The following ATM variants were observed in gnomAD, a reference collection of about 807,000 sequenced individuals.
ATM encodes ATM serine/threonine kinase, also known as serine-protein kinase ATM.
Under a neutral mutation model 387.0 loss-of-function variants are expected in ATM, and 308 were observed. The observed-to-expected ratio is 0.80, with a 90% confidence interval of 0.73 to 0.87. The LOEUF (loss-of-function observed/expected upper bound fraction) is 0.87. Among genes scored for constraint, ATM ranks in the 40% least tolerant of loss-of-function variants. The pLI is 0.00. For missense variants in ATM, 3,312 were observed against 3,560.9 expected (o/e 0.93, Z 1.78); for synonymous variants, 1,156 against 1,187.3 (o/e 0.97, Z 0.54).
chr11:108,246,597 T>C (rs892540414), intron 7 of ATM, among the ~76,000 whole-genome samples: 150 of 152,338 alleles, frequency 9.8e-4, no homozygotes, highest in African/African-American at 3.3e-3. Context: ...TTTACACTAG[T>C]TGAAGGAACT....
rs1479339581 is a variant in ATM at position 108,326,118 on chromosome 11, G to A, written c.6868G>A (p.Glu2290Lys). The stretch of plus-strand genomic sequence containing the variant: ...CAATTCAGTTAGCTGTGGAGTCTCT[G>A]AGTGGCAGCTGGAAGAAGCACAAGT... ...QYNSVSCGVS[E>K]WQLEEAQVFW... The change falls in exon 47 of 63, where the codon GAG (glutamate) becomes AAG (lysine). Residue 2290 changes from glutamate to lysine, a missense_variant. Physicochemically the swap from Glu to Lys is moderately conservative, Grantham distance 56 (BLOSUM62 1). Around this residue, in one of 4 missense-constraint regions of ATM, gnomAD observed 1,405 missense variants for 1,604.4 expected, o/e 0.88. Coordinates refer to ENST00000675843, the MANE Select transcript of ATM (RefSeq NM_000051.4). The A allele has an allele frequency of 6.2e-7, 1 of 1,614,036 alleles. No homozygotes were observed. The highest frequency in any genetic ancestry group is 8.5e-7 in the Non-Finnish European group (1 of 1,180,030).
chr11:108,231,098 T>C (rs2078990329), intron 4 of ATM, among the ~76,000 whole-genome samples: 2 of 152,218 alleles, frequency 1.3e-5, no homozygotes, highest in South Asian at 4.1e-4. Context: ...TCTAAGATCA[T>C]GTGAGCTTCC....
intron 48 of ATM, among the ~76,000 whole-genome samples, chr11:108,328,581 T>C (rs1296435681): frequency 6.6e-6 from 1 of 152,218 alleles, no homozygotes; most frequent in Non-Finnish European, 1.5e-5. Flanking sequence ...TCTCTGTTTT[T>C]GCAGAGTTCT....
intron 42 of ATM, among the ~76,000 whole-genome samples, chr11:108,316,965 A>G (rs574671346): frequency 4.7e-4 from 71 of 151,976 alleles, no homozygotes; most frequent in African/African-American, 1.7e-3. Context: ...ATAAGGTGTC[A>G]CCCTGTTACT....
chr11:108,246,126 G>T (rs1259995857), intron 7 of ATM, among the ~76,000 whole-genome samples: 1 of 152,070 alleles, frequency 6.6e-6, no homozygotes, highest in Non-Finnish European at 1.5e-5. Flanking sequence ...GCCCGGCCGT[G>T]TAGCCACTTT....
chr11:108,281,266 A>G, intron 24 of ATM, 98 bp downstream of exon 24: 1 of 1,222,932 alleles, frequency 8.2e-7, no homozygotes, highest in Non-Finnish European at 1.2e-6. Context: ...CTTATTTAAG[A>G]CTAGGAAACA....
chr11:108,325,079 TC>T (rs1283147913), intron 45 of ATM, among the ~76,000 whole-genome samples: 2 of 152,126 alleles, frequency 1.3e-5, no homozygotes, highest in Non-Finnish European at 2.9e-5. Flanking sequence ...TTGATGTTTG[TC>T]ATCTGTGACC....
At chr11:108,319,875 C>A in intron 43 of ATM, 79 bp from the exon 44 acceptor site, 2 of 990,512 alleles carry the variant, frequency 2.0e-6, no homozygotes, top group South Asian at 1.4e-5. Context: ...AAAATTTTGT[C>A]CTTTGGTGAA....
Position 108,293,357 on chromosome 11 carries a change from T to C in ATM, c.4656T>C (p.Asn1552=), listed in dbSNP as rs876658379. 1.9e-6 allele frequency: 3 copies of C among 1,590,718 alleles called. No homozygotes were observed. Among genetic ancestry groups the C allele is most frequent in the Non-Finnish European group, 2.6e-6 (3 of 1,160,808 alleles). Residue 1552 remains asparagine, a synonymous_variant, in exon 31 of 63, where the codon AAT becomes AAC. Coordinates refer to ENST00000675843, the MANE Select transcript of ATM (RefSeq NM_000051.4). ...LKYLVIDNKD[N]ENLYITIKLL... Reference sequence around the variant, plus strand: ...ACTTAGTGATAGATAACAAGGATAATGAAAACCTCTATATCACGATTAAGC... The same window carrying C: ...ACTTAGTGATAGATAACAAGGATAACGAAAACCTCTATATCACGATTAAGC...
chr11:108,361,674 C>G (rs1232909595), intron 61 of ATM, among the ~76,000 whole-genome samples: 1 of 151,602 alleles, frequency 6.6e-6, no homozygotes, highest in Non-Finnish European at 1.5e-5. Flanking sequence ...CTTTGACAAA[C>G]CTGAGAAAAA....
intron 36 of ATM, 86 bp from the exon 37 acceptor site, chr11:108,304,589 A>G: frequency 7.7e-7 from 1 of 1,293,408 alleles, no homozygotes; most frequent in Non-Finnish European, 1.1e-6. Flanking sequence ...TTAATATGTC[A>G]ACGGGGCATG....
chr11:108,284,236 T>A lies in ATM; in HGVS notation c.3756T>A (p.Tyr1252Ter), dbSNP rs886039637. 6.2e-7 allele frequency: 1 copy of A among 1,608,238 alleles called. No homozygotes were observed. Among genetic ancestry groups the A allele is most frequent in the Non-Finnish European group, 8.5e-7 (1 of 1,175,362 alleles). Residue 1252 changes from tyrosine to a stop codon, truncating the protein, a stop_gained, in exon 26 of 63, where the codon TAT (tyrosine) becomes TAA (stop). Transcript: ENST00000675843. LOFTEE classifies it high-confidence loss of function. ...TNIEDFYRSCYKVLIPHLVIR... is the reference protein window; with the variant it reads ...TNIEDFYRSC ...ATTTTTCTATTTTTAGATCTTGTTA[T>A]AAGGTTTTGATTCCACATCTGGTGA...
intron 40 of ATM, among the ~76,000 whole-genome samples, chr11:108,315,235 A>G (rs1169851382): frequency 2.0e-5 from 3 of 152,226 alleles, no homozygotes; most frequent in Non-Finnish European, 4.4e-5. Flanking sequence ...GTAGCAACTG[A>G]GGTAGCTGCA....
intron 15 of ATM, among the ~76,000 whole-genome samples, chr11:108,257,981 C>T (rs888195900): frequency 2.6e-5 from 4 of 152,146 alleles, no homozygotes; most frequent in Non-Finnish European, 4.4e-5. Context: ...ACAGCAGCCT[C>T]GACCTCCTGG....
chr11:108,302,110 G>A (rs933187926), intron 35 of ATM, among the ~76,000 whole-genome samples: 1 of 152,038 alleles, frequency 6.6e-6, no homozygotes, highest in Non-Finnish European at 1.5e-5. Flanking sequence ...CTCTGGGTAT[G>A]GTTTATAGTT....
chr11:108,244,766 G>C (rs746658802), intron 6 of ATM, 22 bp from the exon 7 acceptor site: 3 of 1,569,642 alleles, frequency 1.9e-6, no homozygotes, highest in Non-Finnish European at 2.6e-6. Context: ...ATACCCAGTT[G>C]AGCTTGTTTG....
intron 4 of ATM, among the ~76,000 whole-genome samples, chr11:108,234,695 C>T (rs2079181685): frequency 6.6e-6 from 1 of 151,810 alleles, no homozygotes; most frequent in South Asian, 2.1e-4. Context: ...AAAAAATTAG[C>T]TGGGCATGGT....
rs2088161192 is a variant in ATM, at chr11:108,345,132, G to T, written c.8419-611G>T. 2.6e-5 allele frequency among the ~76,000 whole-genome samples: 4 copies of T among 152,198 alleles called. No homozygotes were observed. The South Asian group carries it at 8.3e-4, about 31-fold the overall frequency. On this transcript the variant is annotated intron_variant, in intron 57 of 62. Transcript: ENST00000675843. Reference sequence around the variant, plus strand: ...TAGAAGAGGTGACTAAAGTTTGCCAGAGATGAAGTATTTGAATTTGGAAGT... The same window carrying T: ...TAGAAGAGGTGACTAAAGTTTGCCATAGATGAAGTATTTGAATTTGGAAGT...
intron 4 of ATM, among the ~76,000 whole-genome samples, chr11:108,235,114 T>C (rs979149573): frequency 4.6e-5 from 7 of 151,972 alleles, no homozygotes; most frequent in African/African-American, 1.7e-4. Context: ...CTGGTCAACA[T>C]GGTGAAACCC....
Sources: allele counts gnomAD v4.1 joint callset (sites outside exome capture counted in the v4.1 genomes callset), GRCh38; gene constraint gnomAD v4.1.1; regional missense constraint gnomAD v4.1.1; transcripts MANE v1.5; gene names NCBI Gene and HGNC (gene_info 2026-07-23, HGNC 2026-07-21).